XPR1: variants seen among roughly 807,000 people sequenced by gnomAD.
XPR1 encodes the protein solute carrier family 53 member 1.
XPR1 carries 28 observed loss-of-function variants against 87.5 expected under a neutral mutation model. The observed-to-expected ratio is 0.32, with a 90% CI of 0.24 to 0.44. The LOEUF (loss-of-function observed/expected upper bound fraction) is 0.44. Ranked by LOEUF, XPR1 falls within the 20% of genes least tolerant of loss-of-function variation. The pLI, the probability that XPR1 is intolerant of heterozygous loss-of-function variation, is 1.00. For synonymous variants in XPR1, 300 were observed against 306.1 expected (o/e 0.98, Z 0.21); for missense variants, 559 against 862.3 (o/e 0.65, Z 4.41).
intron 1 of XPR1, among the ~76,000 whole-genome samples, chr1:180,680,101 G>A (rs149794008): frequency 6.6e-6 from 1 of 152,082 alleles, no homozygotes; most frequent in Non-Finnish European, 1.5e-5. Context: ...AGACGTACAA[G>A]TGGCTAACAA....
intron 2 of XPR1, among the ~76,000 whole-genome samples, chr1:180,688,513 GT>G (rs1294221117): frequency 6.6e-6 from 1 of 152,052 alleles, no homozygotes; most frequent in Non-Finnish European, 1.5e-5. Flanking sequence ...GAATTGTGGG[GT>G]TTTTATAATT....
chr1:180,713,557 T>C (rs1448259714), intron 2 of XPR1, among the ~76,000 whole-genome samples: 1 of 152,180 alleles, frequency 6.6e-6, no homozygotes, highest in Non-Finnish European at 1.5e-5. Context: ...TGGGCATCCC[T>C]TGTTTGCTGA....
chr1:180,730,184 A>G (rs1658505103), intron 2 of XPR1, among the ~76,000 whole-genome samples: 2 of 152,164 alleles, frequency 1.3e-5, no homozygotes, highest in Admixed American at 1.3e-4. Context: ...ACTTTGTCAA[A>G]GATCAGAGAG....
Position 180,885,350 on chromosome 1 carries a change from A to G in XPR1, c.*1284A>G, listed in dbSNP as rs1043316827. On this transcript the variant is annotated 3_prime_UTR_variant, in exon 15 of 15. Coordinates refer to ENST00000367590, the MANE Select transcript of XPR1 (RefSeq NM_004736.4). ...AAGGATGAACATTGGATTTCATGCCATCCCATAGAAAACCTGTTTTAAAAT... is the reference window on the plus strand; with the variant it reads ...AAGGATGAACATTGGATTTCATGCCGTCCCATAGAAAACCTGTTTTAAAAT... 1 of 152,640 alleles carries G rather than the reference A, an allele frequency of 6.6e-6. No homozygotes were observed. Among genetic ancestry groups the G allele is most frequent in the African/African-American group, 2.4e-5 (1 of 41,464 alleles). The allele number at this position is 152,640 out of a possible 1,614,324, so 9.5% of individuals were successfully genotyped here. A position where few individuals can be genotyped will look rare whatever the true frequency, so the allele number is the denominator to read the frequency against.
At chr1:180,751,162 T>C (rs1021241933) in intron 2 of XPR1, among the ~76,000 whole-genome samples, 1 of 152,078 alleles carries the variant, frequency 6.6e-6, no homozygotes, top group Non-Finnish European at 1.5e-5. Context: ...AGGTTTCTGA[T>C]AATTTTTTAC....
intron 2 of XPR1, among the ~76,000 whole-genome samples, chr1:180,710,406 AACG>A (rs928139017): frequency 1.3e-5 from 2 of 152,032 alleles, no homozygotes; most frequent in Non-Finnish European, 2.9e-5. Context: ...GATGACTCTT[AACG>A]AGCATGCTGC....
chr1:180,652,117 C>A (rs1190448896), intron 1 of XPR1, among the ~76,000 whole-genome samples: 4 of 152,088 alleles, frequency 2.6e-5, no homozygotes, highest in Non-Finnish European at 5.9e-5. Context: ...CATGGTGAAA[C>A]CCTGTCTCTA....
chr1:180,815,336 G>A (rs377353590), intron 7 of XPR1, among the ~76,000 whole-genome samples: 8 of 151,892 alleles, frequency 5.3e-5, no homozygotes, highest in African/African-American at 1.9e-4. Context: ...TTAGTGTTAC[G>A]CATTATGTTT....
At chr1:180,640,221 G>C (rs1296892008) in intron 1 of XPR1, among the ~76,000 whole-genome samples, 1 of 152,172 alleles carries the variant, frequency 6.6e-6, no homozygotes, top group Non-Finnish European at 1.5e-5. Flanking sequence ...TCAGACTGTG[G>C]AGCTGTTGCT....
At chr1:180,779,362 A>G (rs1053088812) in intron 2 of XPR1, among the ~76,000 whole-genome samples, 1 of 152,182 alleles carries the variant, frequency 6.6e-6, no homozygotes, top group Non-Finnish European at 1.5e-5. Context: ...TATCCCTAGC[A>G]TTTAATAGAG....
rs545516105 is a variant in XPR1, at chr1:180,632,525, CGGGCCGGGGCCG to C, written c.69+265_69+276del. 3.9e-5 allele frequency among the ~76,000 whole-genome samples: 6 copies of C among 152,230 alleles called. No individual in the cohort carries two copies. In the South Asian group the frequency reaches 1.0e-3, roughly 26 times the overall value. On this transcript the variant is annotated intron_variant, in intron 1 of 14. Coordinates refer to ENST00000367590, the MANE Select transcript of XPR1 (RefSeq NM_004736.4). ...GAGGGCCGGGAGGAAAGGCGCTGCC[CGGGCCGGGGCCG>C]GGGCCGGGGAACGGTGGGAGGGTGA... is the stretch of plus-strand genomic sequence containing the variant.
At chr1:180,642,746 T>C (rs1431079088) in intron 1 of XPR1, among the ~76,000 whole-genome samples, 3 of 152,272 alleles carry the variant, frequency 2.0e-5, no homozygotes, top group Non-Finnish European at 4.4e-5. Flanking sequence ...GGTGGTCTCC[T>C]GATCACAGTA....
At chr1:180,696,558 G>A (rs972817833) in intron 2 of XPR1, among the ~76,000 whole-genome samples, 6 of 152,026 alleles carry the variant, frequency 3.9e-5, no homozygotes, top group Admixed American at 2.0e-4. Context: ...CAAGAATGGT[G>A]AAAGTGGGCA....
chr1:180,836,450 A>C, intron 10 of XPR1, 72 bp from the exon 11 acceptor site: 1 of 1,561,266 alleles, frequency 6.4e-7, no homozygotes, highest in South Asian at 1.1e-5. Context: ...TATTAGCTAC[A>C]CTATATGGCT....
intron 11 of XPR1, among the ~76,000 whole-genome samples, chr1:180,859,150 T>G (rs1039713449): frequency 5.9e-5 from 9 of 152,284 alleles, no homozygotes; most frequent in African/African-American, 2.2e-4. Flanking sequence ...CATATGTAAT[T>G]TTTCTGATTT....
chr1:180,817,677 C>G (rs1023620939), intron 7 of XPR1, among the ~76,000 whole-genome samples: 1 of 152,122 alleles, frequency 6.6e-6, no homozygotes, highest in African/African-American at 2.4e-5. Context: ...CATGATGGCT[C>G]TCACAAATGT....
At chr1:180,787,288 T>G (rs933744007) in intron 2 of XPR1, among the ~76,000 whole-genome samples, 2,850 of 144,460 alleles carry the variant, frequency 0.02, 85 homozygotes, top group African/African-American at 0.076. Context: ...TTTTTTTTGT[T>G]TTTTTTTTGT....
At chr1:180,703,759 G>A (rs1435127101) in intron 2 of XPR1, among the ~76,000 whole-genome samples, 1 of 152,124 alleles carries the variant, frequency 6.6e-6, no homozygotes, top group East Asian at 1.9e-4. Flanking sequence ...TCATTGGTTT[G>A]TAATGACACC....
At chr1:180,861,524 A>T (rs545760971) in intron 11 of XPR1, among the ~76,000 whole-genome samples, 1 of 152,284 alleles carries the variant, frequency 6.6e-6, no homozygotes, top group East Asian at 1.9e-4. Flanking sequence ...ATAATTTTTT[A>T]GGCATTTTAA....
Sources: allele counts gnomAD v4.1 joint callset (sites outside exome capture counted in the v4.1 genomes callset), GRCh38; gene constraint gnomAD v4.1.1; transcripts MANE v1.5; gene names NCBI Gene and HGNC (gene_info 2026-07-23, HGNC 2026-07-21).